GPC6: variants seen among roughly 807,000 people sequenced by gnomAD.
GPC6 encodes glypican-6.
Under a neutral mutation model 55.2 loss-of-function variants are expected in GPC6, and 14 were observed. That is an observed-to-expected ratio of 0.25 (90% CI 0.17 to 0.40). GPC6 has a LOEUF of 0.40. Among genes scored for constraint, GPC6 ranks in the 10% least tolerant of loss-of-function variants. The probability of loss-of-function intolerance (pLI) is 1.00; values close to 1 mark genes in which losing one functional copy is unlikely to be tolerated. For missense variants in GPC6, 641 were observed against 708.5 expected (o/e 0.90, Z 1.08); for synonymous variants, 278 against 259.6 (o/e 1.07, Z -0.68).
At chr13:94,221,926 C>T (rs1206620591) in intron 4 of GPC6, among the ~76,000 whole-genome samples, 1 of 151,942 alleles carries the variant, frequency 6.6e-6, no homozygotes, top group Non-Finnish European at 1.5e-5. Context: ...ATTAACACCA[C>T]AGTCTATCAA....
intron 3 of GPC6, among the ~76,000 whole-genome samples, chr13:93,885,565 G>T (rs1239298814): frequency 6.6e-6 from 1 of 151,984 alleles, no homozygotes; most frequent in Non-Finnish European, 1.5e-5. Context: ...TACAAGGGAC[G>T]TTTCTTAGAA....
At position 94,034,247 on chromosome 13, in the gene GPC6, A is replaced by AGGAAGGAAGGAAGGAAGGAAGGAG. The variant is rs141372123; in HGVS notation, c.877+6357_877+6358insGGAAGGAAGGAAGGAAGGAGGGAA. Among the ~76,000 whole-genome samples the AGGAAGGAAGGAAGGAAGGAAGGAG allele has an allele frequency of 4.7e-3, 697 of 147,020 alleles. 19 individuals carry two copies. The highest frequency in any genetic ancestry group is 0.011 in the Middle Eastern group (3 of 284). On this transcript the variant is annotated intron_variant, in intron 4 of 8. Transcript: ENST00000377047. ...AAGGAAGGAAGGAAGGAAGGAAGGA[A>AGGAAGGAAGGAAGGAAGGAAGGAG]GGAAAGAAAGAAAGAAAAGAGTTGG...
chr13:94,219,286 C>T (rs1036281549), intron 4 of GPC6, among the ~76,000 whole-genome samples: 2 of 152,104 alleles, frequency 1.3e-5, no homozygotes, highest in Non-Finnish European at 1.5e-5. Flanking sequence ...AAAATGGAGG[C>T]GAGGACTTCC....
chr13:94,300,110 T>C (rs1197784966), intron 5 of GPC6, among the ~76,000 whole-genome samples: 1 of 152,134 alleles, frequency 6.6e-6, no homozygotes, highest in Admixed American at 6.5e-5. Flanking sequence ...TAGCAGCACC[T>C]TTCCCCCATT....
rs147683094 is a variant in GPC6 at position 94,102,332 on chromosome 13, A to C, written c.877+74438A>C. On this transcript the variant is annotated intron_variant, in intron 4 of 8. Coordinates refer to ENST00000377047, the MANE Select transcript of GPC6 (RefSeq NM_005708.5). ...TGAGTTAGTTAAACAAGTCTTGGAC[A>C]TTTCCATCCCCTATTCTATAATCCT... 9.2e-5 allele frequency among the ~76,000 whole-genome samples: 14 copies of C among 152,206 alleles called. No individual in the cohort carries two copies. In the East Asian group the frequency reaches 2.7e-3, roughly 29 times the overall value.
intron 2 of GPC6, among the ~76,000 whole-genome samples, chr13:93,679,728 C>T (rs921207577): frequency 3.3e-5 from 5 of 151,852 alleles, no homozygotes; most frequent in African/African-American, 4.8e-5. Context: ...CAGCTTGTTA[C>T]GTGACCAAGA....
At chr13:93,897,621 A>G (rs1213582658) in intron 3 of GPC6, among the ~76,000 whole-genome samples, 1 of 152,200 alleles carries the variant, frequency 6.6e-6, no homozygotes. Context: ...TTGAAAGCAT[A>G]CATCCATGTG....
chr13:93,321,594 T>C (rs1167948599), intron 1 of GPC6, among the ~76,000 whole-genome samples: 1 of 152,176 alleles, frequency 6.6e-6, no homozygotes, highest in Non-Finnish European at 1.5e-5. Context: ...TTCAGAGAAT[T>C]AGGGTTGAAA....
intron 1 of GPC6, among the ~76,000 whole-genome samples, chr13:93,268,184 A>G (rs538905360): frequency 1.3e-5 from 2 of 152,184 alleles, no homozygotes. Flanking sequence ...TATTTGCAAA[A>G]TAGATTTATC....
chr13:94,113,163 T>C (rs7988002), intron 4 of GPC6, among the ~76,000 whole-genome samples: 21,323 of 152,104 alleles, frequency 0.14, 1,789 homozygotes, highest in East Asian at 0.33. Flanking sequence ...GCAGGTCACT[T>C]TTCTAATTTT....
intron 1 of GPC6, among the ~76,000 whole-genome samples, chr13:93,251,630 T>G (rs1357416664): frequency 6.6e-6 from 1 of 152,180 alleles, no homozygotes; most frequent in Non-Finnish European, 1.5e-5. Flanking sequence ...CCTTTTCAAC[T>G]CTGGTTTCCT....
chr13:93,239,345 T>C (rs1237972392), intron 1 of GPC6, among the ~76,000 whole-genome samples: 1 of 151,916 alleles, frequency 6.6e-6, no homozygotes, highest in Non-Finnish European at 1.5e-5. Context: ...TCATTTACTC[T>C]AGATTTTCTA....
intron 2 of GPC6, among the ~76,000 whole-genome samples, chr13:93,796,885 A>G (rs1289501628): frequency 5.3e-5 from 4 of 76,064 alleles, no homozygotes; most frequent in Non-Finnish European, 1.1e-4. Flanking sequence ...TTTAAACTGT[A>G]TGAGATTTGC....
At chr13:94,232,362 G>A (rs930216173) in intron 4 of GPC6, among the ~76,000 whole-genome samples, 10 of 152,152 alleles carry the variant, frequency 6.6e-5, no homozygotes, top group African/African-American at 2.2e-4. Flanking sequence ...CCCAGAACAC[G>A]GAGCAGTGCT....
chr13:93,579,142 A>C (rs1006411609), intron 2 of GPC6, among the ~76,000 whole-genome samples: 1 of 152,124 alleles, frequency 6.6e-6, no homozygotes, highest in Non-Finnish European at 1.5e-5. Flanking sequence ...GTATAAATAT[A>C]CAGTTAGATA....
rs371010625 is a variant in GPC6 at position 93,959,529 on chromosome 13, G to A, written c.712-68200G>A. Among the ~76,000 whole-genome samples, 130 of 152,208 alleles carry A rather than the reference G, an allele frequency of 8.5e-4. No individual in the cohort carries two copies. In the South Asian group the frequency reaches 0.022, roughly 26 times the overall value. ...TGGGAAGCACTTCTACTACTATGTC[G>A]AACAGAAGTGGCGCATAAATAAACT... On this transcript the variant is annotated intron_variant, in intron 3 of 8. Coordinates refer to ENST00000377047, the MANE Select transcript of GPC6 (RefSeq NM_005708.5).
intron 1 of GPC6, among the ~76,000 whole-genome samples, chr13:93,318,108 A>T (rs113812624): frequency 2.9e-4 from 44 of 152,286 alleles, no homozygotes; most frequent in African/African-American, 9.9e-4. Flanking sequence ...GTGGTACTTT[A>T]CATTTTGTAG....
intron 3 of GPC6, among the ~76,000 whole-genome samples, chr13:93,839,687 C>T (rs1288798013): frequency 4.6e-5 from 7 of 152,044 alleles, no homozygotes; most frequent in African/African-American, 1.7e-4. Context: ...GAGGATTTCT[C>T]TTTTATTGTC....
At chr13:93,531,044 A>G (rs892445157) in intron 1 of GPC6, among the ~76,000 whole-genome samples, 7 of 152,096 alleles carry the variant, frequency 4.6e-5, no homozygotes, top group African/African-American at 1.7e-4. Context: ...CTGAAAAGGG[A>G]ATAAAAATAA....
Sources: allele counts gnomAD v4.1 joint callset (sites outside exome capture counted in the v4.1 genomes callset), GRCh38; gene constraint gnomAD v4.1.1; transcripts MANE v1.5; gene names NCBI Gene and HGNC (gene_info 2026-07-23, HGNC 2026-07-21).